Variants in CERS4 observed in about 807,000 individuals in gnomAD.
The protein encoded by CERS4 is LAG1 homolog, ceramide synthase 4.
Under a neutral mutation model 51.8 loss-of-function variants are expected in CERS4, and 65 were observed. That is an observed-to-expected ratio of 1.26 (90% CI 1.03 to 1.54). The LOEUF is 1.54. Among genes scored for constraint, CERS4 ranks in the 40% most tolerant of loss-of-function variants. CERS4 has a pLI of 0.00. For synonymous variants in CERS4, 228 were observed against 208.4 expected (o/e 1.09, Z -0.81); for missense variants, 563 against 500.4 (o/e 1.13, Z -1.19).
intron 3 of CERS4, among the ~76,000 whole-genome samples, chr19:8,252,369 TA>T (rs57107362): frequency 1.3e-4 from 19 of 144,384 alleles, no homozygotes; most frequent in African/African-American, 3.3e-4. Flanking sequence ...AAACTCCATC[TA>T]AAAAAAAAAA....
intron 2 of CERS4, among the ~76,000 whole-genome samples, chr19:8,246,163 T>G (rs1229988759): frequency 6.6e-6 from 1 of 151,678 alleles, no homozygotes; most frequent in Non-Finnish European, 1.5e-5. Context: ...GGAGGTTGAC[T>G]GGGAAGAGGT....
At chr19:8,229,414 CT>C (rs869166091) in intron 2 of CERS4, among the ~76,000 whole-genome samples, 9 of 10,808 alleles carry the variant, frequency 8.3e-4, no homozygotes, top group African/African-American at 1.7e-3. Context: ...CTTCTTTCTT[CT>C]TTTTTCTTCT....
At position 8,259,870 on chromosome 19, in the gene CERS4, G is replaced by A. The variant is rs145965262; in HGVS notation, c.849-1818G>A. Reference sequence around the variant, plus strand: ...ATGGACAGAGAGTCTCAGTCCTCGGGCTTCCTGATGTTTGCAGGTCGAGAG... The same window carrying A: ...ATGGACAGAGAGTCTCAGTCCTCGGACTTCCTGATGTTTGCAGGTCGAGAG... On this transcript the variant is annotated intron_variant, in intron 10 of 11. Coordinates refer to ENST00000251363, the MANE Select transcript of CERS4 (RefSeq NM_024552.3). 2.0e-3 allele frequency among the ~76,000 whole-genome samples: 306 copies of A among 152,252 alleles called. 1 individual carries two copies. The highest frequency in any genetic ancestry group is 3.4e-3 in the Middle Eastern group (1 of 294).
Position 8,257,920 on chromosome 19 carries a change from C to T in CERS4, c.783C>T (p.Cys261=), listed in dbSNP as rs372692115. 3.6e-5 allele frequency: 58 copies of T among 1,613,780 alleles called. No homozygotes were observed. The highest frequency in any genetic ancestry group is 2.0e-4 in the African/African-American group (15 of 74,900). The change falls in exon 10 of 12, where the codon TGC becomes TGT. Residue 261 remains cysteine, a synonymous_variant. Coordinates refer to ENST00000251363, the MANE Select transcript of CERS4 (RefSeq NM_024552.3). ...MVNYMQYQQV[C]DALFLIFSFV... ...ACTACATGCAGTATCAGCAAGTGTGCGACGCTCTCTTCCTCATCTTCTCCT... is the reference window on the plus strand; with the variant it reads ...ACTACATGCAGTATCAGCAAGTGTGTGACGCTCTCTTCCTCATCTTCTCCT...
Position 8,251,183 on chromosome 19 carries a change from C to G in CERS4, c.107C>G (p.Pro36Arg), listed in dbSNP as rs1969058895. 1 of 1,613,606 alleles carries G rather than the reference C, an allele frequency of 6.2e-7. No individual in the cohort carries two copies. The stretch of plus-strand genomic sequence containing the variant: ...CGGGATGGCCGTGTCTACCCCCACC[C>G]CCAGGACTTGTTGGCAGCCCTGCCC... The part of the protein sequence containing the change: ...EDRDGRVYPH[P>R]QDLLAALPLA... Residue 36 changes from proline to arginine, a missense_variant, in exon 3 of 12, where the codon CCC (proline) becomes CGC (arginine). Pro to Arg is a moderately radical substitution (Grantham distance 103, BLOSUM62 -2). Transcript: ENST00000251363.
At chr19:8,250,818 A>G in intron 2 of CERS4, 3 of 1,228,080 alleles carry the variant, frequency 2.4e-6, no homozygotes, top group Non-Finnish European at 3.0e-6. Flanking sequence ...CTGAGGACAC[A>G]CAGCCCAACT....
intron 3 of CERS4, among the ~76,000 whole-genome samples, chr19:8,252,821 C>T (rs747124897): frequency 3.9e-5 from 6 of 152,088 alleles, no homozygotes; most frequent in Admixed American, 1.3e-4. Flanking sequence ...GCAATCCTCC[C>T]GCCCTCCACC....
At chr19:8,254,644 G>C in intron 4 of CERS4, 28 bp downstream of exon 4, 1 of 1,564,638 alleles carries the variant, frequency 6.4e-7, no homozygotes, top group Non-Finnish European at 8.7e-7. Flanking sequence ...CCTCCGACCC[G>C]CACTACTGCC....
At chr19:8,236,112 G>A (rs1968240175) in intron 2 of CERS4, among the ~76,000 whole-genome samples, 1 of 152,058 alleles carries the variant, frequency 6.6e-6, no homozygotes, top group South Asian at 2.1e-4. Context: ...AGGAGAATGG[G>A]GTAAACCGGG....
intron 2 of CERS4, chr19:8,222,164 G>A (rs1379752179): frequency 6.6e-6 from 1 of 151,366 alleles, no homozygotes; most frequent in Admixed American, 6.6e-5. Flanking sequence ...ACAGGCGTAA[G>A]CCACCGCGCC....
Position 8,261,327 on chromosome 19 carries a change from CTA to C in CERS4, c.849-359_849-358del, listed in dbSNP as rs1227588343. On this transcript the variant is annotated intron_variant, in intron 10 of 11. Transcript: ENST00000251363. The stretch of plus-strand genomic sequence containing the variant: ...GCCTTCCTGACATGAAGCCCCTCCC[CTA>C]TGAGGTGAGTAGGCAGTCGCCTGCT... 2.0e-5 allele frequency: 5 copies of C among 248,892 alleles called. No individual in the cohort carries two copies. The East Asian group carries it at 4.7e-4, about 23-fold the overall frequency. The allele number at this position is 248,892 out of a possible 1,614,324, so 15.4% of individuals were successfully genotyped here. A position where few individuals can be genotyped will look rare whatever the true frequency, so the allele number is the denominator to read the frequency against.
chr19:8,261,515 G>A (rs960874982), intron 10 of CERS4, 173 bp from the exon 11 acceptor site: 13 of 686,480 alleles, frequency 1.9e-5, no homozygotes, highest in African/African-American at 7.2e-5. Flanking sequence ...TAGTACAAGC[G>A]AGAGGGGGCC....
At chr19:8,225,676 C>T (rs990452552) in intron 2 of CERS4, among the ~76,000 whole-genome samples, 4 of 151,548 alleles carry the variant, frequency 2.6e-5, no homozygotes, top group Non-Finnish European at 4.4e-5. Context: ...CACCCACCTC[C>T]GCCTCCCAAA....
At chr19:8,242,020 GTT>G (rs1968560686) in intron 2 of CERS4, among the ~76,000 whole-genome samples, 1 of 152,108 alleles carries the variant, frequency 6.6e-6, no homozygotes, top group African/African-American at 2.4e-5. Flanking sequence ...GAGGTGCCTG[GTT>G]ATAGCCATGC....
At chr19:8,238,933 T>C (rs1374433321) in intron 2 of CERS4, among the ~76,000 whole-genome samples, 2 of 151,512 alleles carry the variant, frequency 1.3e-5, no homozygotes, top group Non-Finnish European at 2.9e-5. Context: ...ACCCTATCTC[T>C]ACAAAAAAAT....
At chr19:8,250,868 T>C in intron 2 of CERS4, 4 of 1,389,792 alleles carry the variant, frequency 2.9e-6, no homozygotes, top group Non-Finnish European at 2.8e-6. Flanking sequence ...GTGGGAGTGA[T>C]GAGAATGAAG....
intron 2 of CERS4, among the ~76,000 whole-genome samples, chr19:8,242,550 C>T (rs1195829446): frequency 6.6e-6 from 1 of 152,164 alleles, no homozygotes; most frequent in East Asian, 1.9e-4. Flanking sequence ...GGTGCTTTAA[C>T]AGGATCCAAA....
intron 2 of CERS4, among the ~76,000 whole-genome samples, chr19:8,218,560 G>A (rs553941363): frequency 1.3e-5 from 2 of 152,148 alleles, no homozygotes; most frequent in African/African-American, 4.8e-5. Flanking sequence ...CAGTGCGTTC[G>A]GCCAGGTCAC....
In CERS4 at chr19:8,254,322, CAA is replaced by C. The variant is rs74176633; in HGVS notation, c.174-158_174-157del. ...TGGGTGACAGTGCAATACTCTGTCTCAAAAAAAAAAAAAAAAAAAAGTCTTAC... is the reference window on the plus strand; with the variant it reads ...TGGGTGACAGTGCAATACTCTGTCTCAAAAAAAAAAAAAAAAAAGTCTTAC... On this transcript the variant is annotated intron_variant, in intron 3 of 11. Transcript: ENST00000251363. 3.9e-3 allele frequency among the ~76,000 whole-genome samples: 152 copies of C among 38,778 alleles called. 2 individuals are homozygous for C. Among genetic ancestry groups the C allele is most frequent in the African/African-American group, 9.7e-3 (122 of 12,638 alleles). 25.4% of individuals were successfully genotyped at this position (38,778 alleles called of 152,430 possible).
Sources: gnomAD v4.1 joint callset for allele counts (sites outside exome capture counted in the v4.1 genomes callset) on GRCh38, gnomAD v4.1.1 for gene constraint, MANE v1.5 for transcripts, NCBI Gene and HGNC (gene_info 2026-07-23, HGNC 2026-07-21) for gene names.